Variants in DVL3 observed in about 807,000 individuals in gnomAD.
DVL3 encodes segment polarity protein dishevelled homolog DVL-3.
DVL3 carries 27 observed loss-of-function variants against 67.4 expected under a neutral mutation model. That is an observed-to-expected ratio of 0.40 (90% CI 0.30 to 0.55). The LOEUF (loss-of-function observed/expected upper bound fraction) is 0.55, where lower values mean the gene tolerates loss of function less well. DVL3 is among the 20% of genes least tolerant of loss of function. The probability of loss-of-function intolerance (pLI) is 0.46; values close to 1 mark genes in which losing one functional copy is unlikely to be tolerated. For missense variants in DVL3, 819 were observed against 1,021.5 expected (o/e 0.80, Z 2.70); for synonymous variants, 369 against 396.8 (o/e 0.93, Z 0.83).
Position 184,171,449 on chromosome 3 carries a change from C to A in DVL3, c.*694C>A. 5.1e-6 allele frequency: 5 copies of A among 987,470 alleles called. No homozygotes were observed. Among genetic ancestry groups the A allele is most frequent in the Non-Finnish European group, 4.8e-6 (4 of 831,228 alleles). 61.2% of individuals were successfully genotyped at this position (987,470 alleles called of 1,614,324 possible). ...CTACCCCTGCCCCATGCCTGCCCTG[C>A]GTGCTGGTTCCTTCAGACCCCTAAC... On this transcript the variant is annotated 3_prime_UTR_variant, in exon 15 of 15. Transcript: ENST00000313143.
Position 184,171,680 on chromosome 3 carries a change from C to T in DVL3, c.*925C>T. On this transcript the variant is annotated 3_prime_UTR_variant, in exon 15 of 15. Coordinates refer to ENST00000313143, the MANE Select transcript of DVL3 (RefSeq NM_004423.4). ...CCCCTCAGGGCTTCCCAAGGATGTC[C>T]AGCCCCCACACCCACACGTTAACAT... 1 of 805,748 alleles carries T rather than the reference C, an allele frequency of 1.2e-6. No homozygotes were observed. Among genetic ancestry groups the T allele is most frequent in the Non-Finnish European group, 1.5e-6 (1 of 665,374 alleles). The allele number at this position is 805,748 out of a possible 1,614,324, so 49.9% of individuals were successfully genotyped here.
At chr3:184,156,778 TG>T (rs1285203819) in intron 1 of DVL3, 1 of 283,230 alleles carries the variant, frequency 3.5e-6, no homozygotes, top group East Asian at 9.4e-5. Flanking sequence ...CGCCCACACT[TG>T]CCTGCCGCCT....
In DVL3 at chr3:184,155,486, A is replaced by C; in HGVS notation, c.-150A>C. The C allele has an allele frequency of 1.2e-5, 3 of 255,270 alleles. No individual in the cohort carries two copies. The highest frequency in any genetic ancestry group is 2.3e-5 in the African/African-American group (1 of 42,760). 15.8% of individuals were successfully genotyped at this position (255,270 alleles called of 1,614,324 possible). A position where few individuals can be genotyped will look rare whatever the true frequency, so the allele number is the denominator to read the frequency against. On this transcript the variant is annotated 5_prime_UTR_variant, in exon 1 of 15. Coordinates refer to ENST00000313143, the MANE Select transcript of DVL3 (RefSeq NM_004423.4). The surrounding 1 kb of genome is among the most constrained non-coding windows in gnomAD (Gnocchi z 5.4). Reference sequence around the variant, plus strand: ...GCGGCGGGCGGCGCTGGGACCCGGTAGCGGCCGGAGAACAAGGGAGCTGGC... The same window carrying C: ...GCGGCGGGCGGCGCTGGGACCCGGTCGCGGCCGGAGAACAAGGGAGCTGGC...
In DVL3 at chr3:184,167,286, T is replaced by C. The variant is rs1714630985; in HGVS notation, c.1199-294T>C. Among the ~76,000 whole-genome samples, 1 of 152,158 alleles carries C rather than the reference T, an allele frequency of 6.6e-6. No individual in the cohort carries two copies. Among genetic ancestry groups the C allele is most frequent in the Non-Finnish European group, 1.5e-5 (1 of 68,022 alleles). Reference sequence around the variant, plus strand: ...ATATAAGTGAAGCACCATTGCGATGTGTGGTGTAAAGTAAGCATTCAGTAA... The same window carrying C: ...ATATAAGTGAAGCACCATTGCGATGCGTGGTGTAAAGTAAGCATTCAGTAA... On this transcript the variant is annotated intron_variant, in intron 11 of 14. Coordinates refer to ENST00000313143, the MANE Select transcript of DVL3 (RefSeq NM_004423.4). The surrounding 1 kb of genome is among the most constrained non-coding windows in gnomAD (Gnocchi z 4.6).
chr3:184,167,458 G>GA lies in DVL3; in HGVS notation c.1199-119dup. ...ACAGAAGGGGAAACTGAGTGTCCAA[G>GA]AAATCAGTAATTTTCCCAGCATTGA... On this transcript the variant is annotated intron_variant, in intron 11 of 14. Coordinates refer to ENST00000313143, the MANE Select transcript of DVL3 (RefSeq NM_004423.4). This position sits in a 1 kb window ranked among gnomAD's most constrained non-coding sequence, Gnocchi z 4.6. The GA allele has an allele frequency of 1.1e-6, 1 of 947,856 alleles. No individual in the cohort carries two copies. The highest frequency in any genetic ancestry group is 1.6e-6 in the Non-Finnish European group (1 of 640,076). 58.7% of individuals were successfully genotyped at this position (947,856 alleles called of 1,614,324 possible).
chr3:184,162,645 C>T (rs1363630657), intron 1 of DVL3, among the ~76,000 whole-genome samples: 1 of 149,570 alleles, frequency 6.7e-6, no homozygotes, highest in African/African-American at 2.5e-5. Context: ...CTGCAACCTC[C>T]ACCTGCCCGA....
Position 184,159,294 on chromosome 3 carries a change from C to T in DVL3, c.161+3498C>T, listed in dbSNP as rs1240505681. Among the ~76,000 whole-genome samples the T allele has an allele frequency of 1.9e-5, 2 of 104,122 alleles. 1 individual carries two copies. Among genetic ancestry groups the T allele is most frequent in the East Asian group, 6.0e-4 (2 of 3,324 alleles). 68.3% of individuals were successfully genotyped at this position (104,122 alleles called of 152,430 possible). On this transcript the variant is annotated intron_variant, in intron 1 of 14. Transcript: ENST00000313143. ...CAGACTCTTCTTCCCCTGTCTCCTC[C>T]AGGTTCAAATTCTCCTGTCTTCTGG...
At position 184,167,344 on chromosome 3, in the gene DVL3, A is replaced by G. The variant is rs1184802548; in HGVS notation, c.1199-236A>G. Among the ~76,000 whole-genome samples, 2 of 152,198 alleles carry G rather than the reference A, an allele frequency of 1.3e-5. No homozygotes were observed. Among genetic ancestry groups the G allele is most frequent in the South Asian group, 2.1e-4 (1 of 4,834 alleles). On this transcript the variant is annotated intron_variant, in intron 11 of 14. Transcript: ENST00000313143. This position sits in a 1 kb window ranked among gnomAD's most constrained non-coding sequence, Gnocchi z 4.6. The stretch of plus-strand genomic sequence containing the variant: ...CCATTTCGATTATCATCACATGCAC[A>G]TCGTACACTGGCCAAGCACCTGCAT...
At position 184,164,339 on chromosome 3, in the gene DVL3, C is replaced by A; in HGVS notation, c.304C>A (p.Pro102Thr). 1.9e-6 allele frequency: 3 copies of A among 1,614,140 alleles called. No individual in the cohort carries two copies. Among genetic ancestry groups the A allele is most frequent in the Non-Finnish European group, 1.7e-6 (2 of 1,180,006 alleles). Residue 102 changes from proline (P) to threonine (T), a missense_variant, in exon 3 of 15, where the codon CCT becomes ACT. Around this residue, in one of 3 missense-constraint regions of DVL3, gnomAD observed 385 missense variants for 486.8 expected, o/e 0.79. Transcript: ENST00000313143. This position sits in a 1 kb window ranked among gnomAD's most constrained non-coding sequence, Gnocchi z 5.3. ...TGATAACCCATCGGAGCTGCCACCA[C>A]CTATGGAGCGCACGGGAGGCATCGG... ...CADNPSELPP[P>T]MERTGGIGDS...
In DVL3 at chr3:184,164,400, C is replaced by A. The variant is rs751262267; in HGVS notation, c.353+12C>A. On this transcript the variant is annotated intron_variant, in intron 3 of 14. Transcript: ENST00000313143. This position sits in a 1 kb window ranked among gnomAD's most constrained non-coding sequence, Gnocchi z 5.3. ...CCCCCATCCTTCCAGTGAGTGTGAC[C>A]TGAGGGTGGGGAGGGCCGCATCAGT... 1 of 1,612,516 alleles carries A rather than the reference C, an allele frequency of 6.2e-7. No individual in the cohort carries two copies. The highest frequency in any genetic ancestry group is 8.5e-7 in the Non-Finnish European group (1 of 1,179,110).
Position 184,170,737 on chromosome 3 carries a change from C to A in DVL3, c.2133C>A (p.Phe711Leu). ...TGGCCATGGGAAACCCCAGTGAGTT[C>A]TTTGTGGATGTGATGTGAGCAGGGC... The part of the protein sequence containing the change: ...FRMAMGNPSE[F>L]FVDVM Residue 711 changes from phenylalanine to leucine, a missense_variant, in exon 15 of 15, where the codon TTC (phenylalanine) becomes TTA (leucine). Physicochemically the swap from Phe to Leu is conservative, Grantham distance 22 (BLOSUM62 0). This residue lies in a region of DVL3 where 324 missense variants were observed against 331.3 expected (regional missense o/e 0.98). Transcript: ENST00000313143. The surrounding 1 kb of genome is among the most constrained non-coding windows in gnomAD (Gnocchi z 6.5). 3 of 1,613,520 alleles carry A rather than the reference C, an allele frequency of 1.9e-6. No individual in the cohort carries two copies. Among genetic ancestry groups the A allele is most frequent in the Non-Finnish European group, 2.5e-6 (3 of 1,179,942 alleles).
At chr3:184,160,579 C>G (rs1156348603) in intron 1 of DVL3, among the ~76,000 whole-genome samples, 1 of 152,020 alleles carries the variant, frequency 6.6e-6, no homozygotes, top group Non-Finnish European at 1.5e-5. Context: ...CCCAGCCATT[C>G]AGCTCCATGG....
Position 184,155,525 on chromosome 3 carries a change from G to A in DVL3, c.-111G>A. On this transcript the variant is annotated 5_prime_UTR_variant, in exon 1 of 15. Transcript: ENST00000313143. The surrounding 1 kb of genome is among the most constrained non-coding windows in gnomAD (Gnocchi z 5.4). ...AAGGGAGCTGGCGCCGCCAGCAGCC[G>A]CCGAGCTGGGTTGAGCCGCTGGGCC... 1.5e-6 allele frequency: 1 copy of A among 673,068 alleles called. No individual in the cohort carries two copies. Among genetic ancestry groups the A allele is most frequent in the Non-Finnish European group, 1.8e-6 (1 of 546,846 alleles). The allele number at this position is 673,068 out of a possible 1,614,324, so 41.7% of individuals were successfully genotyped here.
chr3:184,162,069 A>G (rs1384913548), intron 1 of DVL3, among the ~76,000 whole-genome samples: 2 of 152,088 alleles, frequency 1.3e-5, no homozygotes, highest in Non-Finnish European at 2.9e-5. Context: ...TAGTTTCCCC[A>G]TTGTACCTGC....
rs1190103161 is a variant in DVL3, at chr3:184,170,155, C to T, written c.1648C>T (p.His550Tyr). The T allele has an allele frequency of 3.7e-6, 6 of 1,613,520 alleles. No homozygotes were observed. In the Admixed American group the frequency reaches 1.0e-4, roughly 27 times the overall value. Residue 550 changes from histidine (H) to tyrosine (Y), a missense_variant, in exon 14 of 15, where the codon CAC (histidine) becomes TAC (tyrosine). By Grantham distance (83) the His-to-Tyr change is moderately conservative (BLOSUM62 2). This residue lies in a region of DVL3 where 324 missense variants were observed against 331.3 expected (regional missense o/e 0.98). Transcript: ENST00000313143. The surrounding 1 kb of genome is among the most constrained non-coding windows in gnomAD (Gnocchi z 6.5). ...YPPPPHPYNP[H>Y]PGFPELGYSY... ...GCCACCCCCGCACCCATACAACCCG[C>T]ACCCGGGCTTCCCGGAGCTGGGCTA...
At position 184,170,403 on chromosome 3, in the gene DVL3, G is replaced by T; in HGVS notation, c.1799G>T (p.Gly600Val). 6.2e-7 allele frequency: 1 copy of T among 1,602,526 alleles called. No homozygotes were observed. The highest frequency in any genetic ancestry group is 2.2e-5 in the East Asian group (1 of 44,454). The change falls in exon 15 of 15, where the codon GGC (glycine) becomes GTC (valine). Residue 600 changes from glycine (G) to valine (V), a missense_variant. By Grantham distance (109) the Gly-to-Val change is moderately radical (BLOSUM62 -3). Coordinates refer to ENST00000313143, the MANE Select transcript of DVL3 (RefSeq NM_004423.4). This position sits in a 1 kb window ranked among gnomAD's most constrained non-coding sequence, Gnocchi z 6.5. ...DPKAGDSKSG[G>V]SGSESDHTTR... is the part of the protein sequence containing the mutation. ...AAGGCCGGGGACTCCAAGTCCGGGG[G>T]CAGCGGCAGCGAATCGGACCACACC...
rs541623232 is a variant in DVL3 at position 184,163,098 on chromosome 3, G to A, written c.162-559G>A. On this transcript the variant is annotated intron_variant, in intron 1 of 14. Coordinates refer to ENST00000313143, the MANE Select transcript of DVL3 (RefSeq NM_004423.4). This position sits in a 1 kb window ranked among gnomAD's most constrained non-coding sequence, Gnocchi z 4.5. Reference sequence around the variant, plus strand: ...GATGGGGTTTTGCCATGTTAGCCAGGCTGGTCTCGTACTCCTGACCTCAGG... The same window carrying A: ...GATGGGGTTTTGCCATGTTAGCCAGACTGGTCTCGTACTCCTGACCTCAGG... Among the ~76,000 whole-genome samples the A allele has an allele frequency of 6.6e-6, 1 of 152,200 alleles. No individual in the cohort carries two copies. Among genetic ancestry groups the A allele is most frequent in the South Asian group, 2.1e-4 (1 of 4,818 alleles).
In DVL3 at chr3:184,170,938, G is replaced by A; in HGVS notation, c.*183G>A. ...GGTGCACCTACCGATTGGCTCTGCA[G>A]CCCCCTAACCTGCCTCTGGCCCCAG... On this transcript the variant is annotated 3_prime_UTR_variant, in exon 15 of 15. Transcript: ENST00000313143. This position sits in a 1 kb window ranked among gnomAD's most constrained non-coding sequence, Gnocchi z 6.5. The A allele has an allele frequency of 6.5e-7, 1 of 1,536,794 alleles. No homozygotes were observed. The highest frequency in any genetic ancestry group is 8.7e-7 in the Non-Finnish European group (1 of 1,144,282).
Position 184,165,601 on chromosome 3 carries a change from C to T in DVL3, c.763+110C>T, listed in dbSNP as rs1020964552. 8 of 910,326 alleles carry T rather than the reference C, an allele frequency of 8.8e-6. No individual in the cohort carries two copies. The highest frequency in any genetic ancestry group is 4.2e-4 in the Middle Eastern group (2 of 4,716). 56.4% of individuals were successfully genotyped at this position (910,326 alleles called of 1,614,324 possible). On this transcript the variant is annotated intron_variant, in intron 7 of 14. Transcript: ENST00000313143. This position sits in a 1 kb window ranked among gnomAD's most constrained non-coding sequence, Gnocchi z 4.1. The stretch of plus-strand genomic sequence containing the variant: ...TCCCTGCCCTCAAGGAGCTCTCTTT[C>T]GTAAACATCAGCTGATACATAAACT...
Sources: gnomAD v4.1 joint callset for allele counts (sites outside exome capture counted in the v4.1 genomes callset) on GRCh38, gnomAD v4.1.1 for gene constraint, gnomAD v4.1.1 regional missense constraint, Gnocchi (gnomAD v3.1) non-coding constraint, MANE v1.5 for transcripts, NCBI Gene and HGNC (gene_info 2026-07-23, HGNC 2026-07-21) for gene names.